The following ANO2 variants were observed in gnomAD, a reference collection of about 807,000 sequenced individuals.
ANO2 encodes anoctamin-2.
A neutral mutation model predicts 124.2 loss-of-function variants in ANO2; 101 were observed. The ratio of observed to expected loss-of-function variants is 0.81; its 90% CI spans 0.69 to 0.96. The LOEUF (loss-of-function observed/expected upper bound fraction) is 0.96, where lower values mean the gene tolerates loss of function less well. Ranked by LOEUF, ANO2 falls within the 40% of genes least tolerant of loss-of-function variation. The probability of loss-of-function intolerance (pLI) is 0.00; values close to 1 mark genes in which losing one functional copy is unlikely to be tolerated. For missense variants in ANO2, 1,293 were observed against 1,274.5 expected (o/e 1.01, Z -0.22); for synonymous variants, 486 against 482.5 (o/e 1.01, Z -0.09).
At chr12:5,577,022 A>AC (rs1942451445) in intron 22 of ANO2, among the ~76,000 whole-genome samples, 1 of 152,222 alleles carries the variant, frequency 6.6e-6, no homozygotes, top group African/African-American at 2.4e-5. Context: ...GGGAAGTAAG[A>AC]CTGCACGTCA....
At chr12:5,580,864 C>T (rs187644512) in intron 20 of ANO2, among the ~76,000 whole-genome samples, 33 of 152,210 alleles carry the variant, frequency 2.2e-4, no homozygotes, top group African/African-American at 7.5e-4. Flanking sequence ...CCTAGGAGGC[C>T]GGCAAGTGCT....
intron 10 of ANO2, among the ~76,000 whole-genome samples, chr12:5,789,579 G>C (rs1388827759): frequency 6.6e-6 from 1 of 152,190 alleles, no homozygotes; most frequent in African/African-American, 2.4e-5. Flanking sequence ...GCCAGAGGCA[G>C]GCAGTAATTC....
chr12:5,639,279 A>G (rs1362546585), intron 15 of ANO2, among the ~76,000 whole-genome samples: 2 of 152,180 alleles, frequency 1.3e-5, no homozygotes, highest in East Asian at 1.9e-4. Flanking sequence ...TAGCAACTTC[A>G]TCATCGACAT....
chr12:5,571,541 A>C (rs1942120419), intron 23 of ANO2, among the ~76,000 whole-genome samples: 2 of 152,234 alleles, frequency 1.3e-5, no homozygotes, highest in South Asian at 4.1e-4. Flanking sequence ...AAGAAGGGTC[A>C]ACAAGTTCCC....
chr12:5,739,842 A>G (rs1288620018), intron 12 of ANO2: 1 of 455,832 alleles, frequency 2.2e-6, no homozygotes, highest in Non-Finnish European at 4.4e-6. Flanking sequence ...CCCCAGCGCC[A>G]CTTGCCTCAT....
At chr12:5,939,920 C>T (rs1383920748) in intron 1 of ANO2, among the ~76,000 whole-genome samples, 1 of 152,196 alleles carries the variant, frequency 6.6e-6, no homozygotes, top group Non-Finnish European at 1.5e-5. Context: ...AAATGAAAAG[C>T]TTGGTGTAGC....
At position 5,635,258 on chromosome 12, in the gene ANO2, G is replaced by GGAGCGTGTAGCCTTATTGAGAGACA; in HGVS notation, c.1685_1709dup (p.Asn571ValfsTer4). ...TTGCTGTCACTGTCACCCGGACATT[G>GGAGCGTGTAGCCTTATTGAGAGACA]GAGCGTGTAGCCTTATTGAGAGACA... On this transcript the variant is annotated stop_gained and frameshift_variant, in exon 16 of 25. Transcript: ENST00000682330. LOFTEE classifies it high-confidence loss of function. The surrounding 1 kb of genome is among the most constrained non-coding windows in gnomAD (Gnocchi z 5.2). 6.2e-7 allele frequency: 1 copy of GGAGCGTGTAGCCTTATTGAGAGACA among 1,613,152 alleles called. No homozygotes were observed. Among genetic ancestry groups the GGAGCGTGTAGCCTTATTGAGAGACA allele is most frequent in the Non-Finnish European group, 8.5e-7 (1 of 1,179,728 alleles).
intron 19 of ANO2, among the ~76,000 whole-genome samples, chr12:5,610,969 C>CTTCTTTTTTTTTTTTTTTTTT (rs1944514925): frequency 4.3e-5 from 4 of 93,924 alleles, no homozygotes; most frequent in South Asian, 3.5e-4. Flanking sequence ...ACAAACTTCT[C>CTTCTTTTTTTTTTTTTTTTTT]TGCTTTTTTT....
At chr12:5,767,645 T>C (rs1951937050) in intron 10 of ANO2, among the ~76,000 whole-genome samples, 1 of 152,322 alleles carries the variant, frequency 6.6e-6, no homozygotes, top group Non-Finnish European at 1.5e-5. Flanking sequence ...GGTGAAACAG[T>C]TGATGGTATC....
intron 10 of ANO2, among the ~76,000 whole-genome samples, chr12:5,784,787 AG>A (rs1952495510): frequency 6.6e-6 from 1 of 152,200 alleles, no homozygotes; most frequent in Admixed American, 6.5e-5. Context: ...GTTCAAGAGA[AG>A]TGCTCTGGTC....
chr12:5,910,482 A>G (rs1192423442), intron 3 of ANO2, among the ~76,000 whole-genome samples: 1 of 152,192 alleles, frequency 6.6e-6, no homozygotes, highest in South Asian at 2.1e-4. Flanking sequence ...CCTGGCCTCT[A>G]TGTGTTACTT....
intron 20 of ANO2, among the ~76,000 whole-genome samples, chr12:5,598,648 G>A (rs544542971): frequency 2.6e-5 from 4 of 152,284 alleles, no homozygotes; most frequent in East Asian, 3.9e-4. Flanking sequence ...GAGCCACTGC[G>A]CTCGTCTTAT....
intron 10 of ANO2, among the ~76,000 whole-genome samples, chr12:5,765,438 G>GA (rs5796186): frequency 4.2e-4 from 63 of 149,564 alleles, no homozygotes; most frequent in South Asian, 1.5e-3. Flanking sequence ...TAATTCAATT[G>GA]AAAAAAAAAA....
Position 5,636,786 on chromosome 12 carries a change from G to A in ANO2, c.1621-1439C>T, listed in dbSNP as rs533872455. 3.9e-5 allele frequency among the ~76,000 whole-genome samples: 6 copies of A among 152,218 alleles called. No individual in the cohort carries two copies. Among genetic ancestry groups the A allele is most frequent in the African/African-American group, 1.4e-4 (6 of 41,542 alleles). The stretch of plus-strand genomic sequence containing the variant: ...AGTGTGAATGACACTCCAGTGGCTT[G>A]CTAATGGGTGGCAGATGTGTCCAGG... On this transcript the variant is annotated intron_variant, in intron 15 of 24. Transcript: ENST00000682330. This position sits in a 1 kb window ranked among gnomAD's most constrained non-coding sequence, Gnocchi z 4.6.
intron 7 of ANO2, among the ~76,000 whole-genome samples, chr12:5,817,231 A>G (rs148775365): frequency 4.6e-4 from 70 of 152,206 alleles, no homozygotes; most frequent in Middle Eastern, 3.4e-3. Flanking sequence ...CTTTACAAAA[A>G]CTCTGCAAGA....
intron 19 of ANO2, among the ~76,000 whole-genome samples, chr12:5,604,855 T>G (rs1334486919): frequency 6.6e-6 from 1 of 152,096 alleles, no homozygotes; most frequent in African/African-American, 2.4e-5. Flanking sequence ...TCCGACCGTA[T>G]GATGCACTCA....
At chr12:5,586,699 A>G (rs1388538131) in intron 20 of ANO2, among the ~76,000 whole-genome samples, 1 of 152,178 alleles carries the variant, frequency 6.6e-6, no homozygotes, top group African/African-American at 2.4e-5. Context: ...ATAAGTGTCC[A>G]CTTTCACCTG....
intron 11 of ANO2, among the ~76,000 whole-genome samples, chr12:5,749,236 T>C (rs1358883417): frequency 3.9e-5 from 6 of 152,158 alleles, no homozygotes; most frequent in African/African-American, 1.4e-4. Flanking sequence ...ACTTTCCCCA[T>C]TACCACCCCC....
intron 3 of ANO2, among the ~76,000 whole-genome samples, chr12:5,863,326 A>G (rs7307777): frequency 0.73 from 110,986 of 151,972 alleles, 41,180 homozygotes; most frequent in East Asian, 0.98. Flanking sequence ...AGGCTTCTCT[A>G]GGTGTTATTC....
Sources: allele counts gnomAD v4.1 joint callset (sites outside exome capture counted in the v4.1 genomes callset), GRCh38; gene constraint gnomAD v4.1.1; non-coding constraint Gnocchi (gnomAD v3.1); transcripts MANE v1.5; gene names NCBI Gene and HGNC (gene_info 2026-07-23, HGNC 2026-07-21).